The following RNF213 variants were observed in gnomAD, a reference collection of about 807,000 sequenced individuals.
The protein encoded by RNF213 is E3 ubiquitin-protein ligase RNF213.
Under a neutral mutation model 514.4 loss-of-function variants are expected in RNF213, and 341 were observed. The observed-to-expected ratio is 0.66, with a 90% confidence interval of 0.61 to 0.73. The LOEUF is 0.73. Among genes scored for constraint, RNF213 ranks in the 30% least tolerant of loss-of-function variants. The probability of loss-of-function intolerance (pLI) is 0.00; values close to 1 mark genes in which losing one functional copy is unlikely to be tolerated. For missense variants in RNF213, 5,767 were observed against 6,615.6 expected, an observed-to-expected ratio of 0.87 and a Z score of 4.45; for synonymous variants, 2,655 against 2,658.2, an observed-to-expected ratio of 1.00 and a Z score of 0.04.
intron 54 of RNF213, among the ~76,000 whole-genome samples, chr17:80,378,582 A>G (rs1237868819): frequency 1.3e-5 from 2 of 152,178 alleles, no homozygotes; most frequent in African/African-American, 4.8e-5. Flanking sequence ...TCGGCCTCCC[A>G]AAGTGTTGGG....
rs1035955593 is a variant in RNF213 at position 80,353,732 on chromosome 17, C to T, written c.10578+66C>T. 1.3e-5 allele frequency: 21 copies of T among 1,605,336 alleles called. No homozygotes were observed. Among genetic ancestry groups the T allele is most frequent in the East Asian group, 2.2e-5 (1 of 44,846 alleles). On this transcript the variant is annotated intron_variant, in intron 34 of 67. Transcript: ENST00000582970. This position sits in a 1 kb window ranked among gnomAD's most constrained non-coding sequence, Gnocchi z 5.0. ...GATGCTTCTGAGCTGCATCTTTAAA[C>T]GCTTTTGCATTGGGAGCTAGAGGAG...
intron 15 of RNF213, 133 bp downstream of exon 15, chr17:80,313,300 C>A: frequency 8.3e-7 from 1 of 1,206,744 alleles, no homozygotes; most frequent in Non-Finnish European, 1.2e-6. Flanking sequence ...TCTTCATCTA[C>A]AAAATGGAGT....
chr17:80,368,110 A>G lies in RNF213; in HGVS notation c.12122A>G (p.Asp4041Gly). 6.2e-7 allele frequency: 1 copy of G among 1,614,250 alleles called. No homozygotes were observed. Among genetic ancestry groups the G allele is most frequent in the Non-Finnish European group, 8.5e-7 (1 of 1,180,038 alleles). The change falls in exon 44 of 68, where the codon GAC becomes GGC. Residue 4041 changes from aspartate (D) to glycine (G), a missense_variant. Asp to Gly is a moderately conservative substitution (Grantham distance 94). Around this residue, in one of 13 missense-constraint regions of RNF213, gnomAD observed 93 missense variants for 95.6 expected, o/e 0.97. Transcript: ENST00000582970. ...ICPYCLTALP[D>G]EFSPAVSQAH... Reference sequence around the variant, plus strand: ...CCCTACTGTTTAACTGCCTTGCCAGACGAATTCTCTCCAGCTGTTTCCCAA... The same window carrying G: ...CCCTACTGTTTAACTGCCTTGCCAGGCGAATTCTCTCCAGCTGTTTCCCAA...
In RNF213 at chr17:80,367,697, C is replaced by T. The variant is rs368339925; in HGVS notation, c.11872-51C>T. 486 of 1,496,518 alleles carry T rather than the reference C, an allele frequency of 3.2e-4. 1 individual carries two copies. The highest frequency in any genetic ancestry group is 2.8e-3 in the Middle Eastern group (16 of 5,760). 92.7% of individuals were successfully genotyped at this position (1,496,518 alleles called of 1,614,324 possible). On this transcript the variant is annotated intron_variant, in intron 42 of 67. Transcript: ENST00000582970. Reference sequence around the variant, plus strand: ...TGCTCCCTCTGTCGCCCGGCCTGGCCGCCCTCAGCCCTCCCCCCTGCTAAT... The same window carrying T: ...TGCTCCCTCTGTCGCCCGGCCTGGCTGCCCTCAGCCCTCCCCCCTGCTAAT...
intron 44 of RNF213, among the ~76,000 whole-genome samples, chr17:80,369,126 T>A (rs1297821529): frequency 6.6e-6 from 1 of 152,098 alleles, no homozygotes; most frequent in Non-Finnish European, 1.5e-5. Flanking sequence ...CAGCCAGGCA[T>A]GGTGGCTCAC....
At chr17:80,334,783 C>T (rs576598523) in intron 22 of RNF213, among the ~76,000 whole-genome samples, 7 of 152,046 alleles carry the variant, frequency 4.6e-5, no homozygotes, top group South Asian at 2.1e-4. Context: ...ACCGCCACCA[C>T]GCCCGGCTAA....
At position 80,382,950 on chromosome 17, in the gene RNF213, T is replaced by C. The variant is rs183020319; in HGVS notation, c.13979-29T>C. On this transcript the variant is annotated intron_variant, in intron 57 of 67. Coordinates refer to ENST00000582970, the MANE Select transcript of RNF213 (RefSeq NM_001256071.3). Reference sequence around the variant, plus strand: ...ACTGCTGTGTTCTTTGTGCCTTGGGTAACCTACACATTTGGAGTTTTTTTG... The same window carrying C: ...ACTGCTGTGTTCTTTGTGCCTTGGGCAACCTACACATTTGGAGTTTTTTTG... The C allele has an allele frequency of 1.4e-4, 201 of 1,427,440 alleles. No homozygotes were observed. In the African/African-American group the frequency reaches 2.5e-3, roughly 18 times the overall value. The allele number at this position is 1,427,440 out of a possible 1,614,324, so 88.4% of individuals were successfully genotyped here.
In RNF213 at chr17:80,274,972, G is replaced by GTA. The variant is rs1402416801; in HGVS notation, c.261+1569_261+1570insAT. Among the ~76,000 whole-genome samples the GTA allele has an allele frequency of 1.5e-4, 15 of 98,258 alleles. 3 individuals carry two copies. The highest frequency in any genetic ancestry group is 6.2e-4 in the African/African-American group (15 of 24,330). The allele number at this position is 98,258 out of a possible 152,430, so 64.5% of individuals were successfully genotyped here. On this transcript the variant is annotated intron_variant, in intron 3 of 67. Transcript: ENST00000582970. ...GAGTGGGGGGTGTGTGTGTTGGGGT[G>GTA]TGTGTGTTGGATGTGTGTGTATGTG...
At chr17:80,297,133 T>C (rs2044981641) in intron 10 of RNF213, among the ~76,000 whole-genome samples, 1 of 151,994 alleles carries the variant, frequency 6.6e-6, no homozygotes, top group South Asian at 2.1e-4. Flanking sequence ...ATGTATTGTT[T>C]ATAGGCTCAA....
chr17:80,271,075 T>A (rs535837421), intron 2 of RNF213, among the ~76,000 whole-genome samples: 15 of 152,212 alleles, frequency 9.9e-5, no homozygotes, highest in Admixed American at 4.6e-4. Flanking sequence ...CTGATTGGAT[T>A]AGGCTAGTCA....
chr17:80,363,244 C>G lies in RNF213; in HGVS notation c.11498C>G (p.Thr3833Ser), dbSNP rs772675125. 1.1e-5 allele frequency: 18 copies of G among 1,614,164 alleles called. No homozygotes were observed. The highest frequency in any genetic ancestry group is 1.3e-5 in the Non-Finnish European group (15 of 1,180,034). ...SRLQNFSRIL[T>S]IYPQVLHSLM... ...CTGCAGAACTTTTCCAGAATCCTGA[C>G]CATCTACCCTCAGGTTCTCCACAGC... The change falls in exon 40 of 68, where the codon ACC becomes AGC. Residue 3833 changes from threonine to serine, a missense_variant. Physicochemically the swap from Thr to Ser is moderately conservative, Grantham distance 58 (BLOSUM62 1). Coordinates refer to ENST00000582970, the MANE Select transcript of RNF213 (RefSeq NM_001256071.3).
Position 80,285,844 on chromosome 17 carries a change from G to A in RNF213, c.262-1971G>A, listed in dbSNP as rs939299402. 3.3e-5 allele frequency among the ~76,000 whole-genome samples: 5 copies of A among 150,248 alleles called. No individual in the cohort carries two copies. The East Asian group carries it at 5.8e-4, about 17-fold the overall frequency. On this transcript the variant is annotated intron_variant, in intron 3 of 67. Transcript: ENST00000582970. ...TGCCACCACGCCCAGCTAATTTTTT[G>A]TGTTTTTAGTAGAGATGGGGAGGAT... is the stretch of plus-strand genomic sequence containing the variant.
In RNF213 at chr17:80,342,909, G is replaced by A. The variant is rs942796418; in HGVS notation, c.5990-223G>A. ...CAACCTCCGCCTCCCGGGTTCAAGCGATTCTCCTGCCTCAGCCTCCTGAGT... is the reference window on the plus strand; with the variant it reads ...CAACCTCCGCCTCCCGGGTTCAAGCAATTCTCCTGCCTCAGCCTCCTGAGT... On this transcript the variant is annotated intron_variant, in intron 26 of 67. Transcript: ENST00000582970. Among the ~76,000 whole-genome samples the A allele has an allele frequency of 5.3e-5, 8 of 151,702 alleles. No individual in the cohort carries two copies. The South Asian group carries it at 6.2e-4, about 12-fold the overall frequency.
chr17:80,344,617 C>T, intron 28 of RNF213, 61 bp from the exon 29 acceptor site: 1 of 1,591,136 alleles, frequency 6.3e-7, no homozygotes, highest in Non-Finnish European at 8.6e-7. Flanking sequence ...AGGGTTAAGA[C>T]ACAAAAGCAT....
At chr17:80,278,701 C>G in intron 3 of RNF213, 2 of 1,525,088 alleles carry the variant, frequency 1.3e-6, no homozygotes, top group African/African-American at 1.4e-5. Context: ...CTTTGCGAGT[C>G]TACTGGAGCT....
At position 80,317,580 on chromosome 17, in the gene RNF213, C is replaced by T. The variant is rs566591778; in HGVS notation, c.2901+303C>T. ...GGGATGCTGTGTTTACTTGGCCCGCCGTGCTCAACCCCTTGTGGGAGGGAG... is the reference window on the plus strand; with the variant it reads ...GGGATGCTGTGTTTACTTGGCCCGCTGTGCTCAACCCCTTGTGGGAGGGAG... On this transcript the variant is annotated intron_variant, in intron 16 of 67. Coordinates refer to ENST00000582970, the MANE Select transcript of RNF213 (RefSeq NM_001256071.3). The surrounding 1 kb of genome is among the most constrained non-coding windows in gnomAD (Gnocchi z 4.1). Among the ~76,000 whole-genome samples the T allele has an allele frequency of 1.3e-3, 197 of 152,306 alleles. No homozygotes were observed. Among genetic ancestry groups the T allele is most frequent in the African/African-American group, 4.0e-3 (166 of 41,572 alleles).
At position 80,346,916 on chromosome 17, in the gene RNF213, C is replaced by T; in HGVS notation, c.8581C>T (p.His2861Tyr). ...DSPKMPLKTL[H>Y]PLLEDGCIED... is the part of the protein sequence containing the mutation. ...ACCCAAAATGCCCCTGAAGACTCTGCACCCGCTGCTGGAAGACGGATGCAT... is the reference window on the plus strand; with the variant it reads ...ACCCAAAATGCCCCTGAAGACTCTGTACCCGCTGCTGGAAGACGGATGCAT... The change falls in exon 29 of 68, where the codon CAC becomes TAC. Residue 2861 changes from histidine (H) to tyrosine (Y), a missense_variant. Physicochemically the swap from His to Tyr is moderately conservative, Grantham distance 83. Coordinates refer to ENST00000582970, the MANE Select transcript of RNF213 (RefSeq NM_001256071.3). This position sits in a 1 kb window ranked among gnomAD's most constrained non-coding sequence, Gnocchi z 8.1. 1 of 1,614,126 alleles carries T rather than the reference C, an allele frequency of 6.2e-7. No individual in the cohort carries two copies. Among genetic ancestry groups the T allele is most frequent in the Non-Finnish European group, 8.5e-7 (1 of 1,180,022 alleles).
chr17:80,363,213 A>C lies in RNF213; in HGVS notation c.11467A>C (p.Ser3823Arg). The stretch of plus-strand genomic sequence containing the variant: ...GCACCTTGCCTACCAGCGTTTCAGA[A>C]GCCGTCTGCAGAACTTTTCCAGAAT... ...WVHLAYQRFR[S>R]RLQNFSRILT... The change falls in exon 40 of 68, where the codon AGC becomes CGC. Residue 3823 changes from serine (S) to arginine (R), a missense_variant. By Grantham distance (110) the Ser-to-Arg change is moderately radical. Around this residue, in one of 13 missense-constraint regions of RNF213, gnomAD observed 355 missense variants for 358.0 expected, o/e 0.99. Coordinates refer to ENST00000582970, the MANE Select transcript of RNF213 (RefSeq NM_001256071.3). 6.2e-7 allele frequency: 1 copy of C among 1,614,202 alleles called. No individual in the cohort carries two copies. The highest frequency in any genetic ancestry group is 8.5e-7 in the Non-Finnish European group (1 of 1,180,028).
At position 80,383,188 on chromosome 17, in the gene RNF213, C is replaced by T; in HGVS notation, c.14070+118C>T. 4 of 742,810 alleles carry T rather than the reference C, an allele frequency of 5.4e-6. No individual in the cohort carries two copies. In the South Asian group the frequency reaches 5.9e-5, roughly 11 times the overall value. The allele number at this position is 742,810 out of a possible 1,614,324, so 46.0% of individuals were successfully genotyped here. A position where few individuals can be genotyped will look rare whatever the true frequency, so the allele number is the denominator to read the frequency against. On this transcript the variant is annotated intron_variant, in intron 58 of 67. Coordinates refer to ENST00000582970, the MANE Select transcript of RNF213 (RefSeq NM_001256071.3). ...TAGCGGTGCCAGCAAGAGCCTTTGACTGAGCCCCAGATTCCAATGCTCCCC... is the reference window on the plus strand; with the variant it reads ...TAGCGGTGCCAGCAAGAGCCTTTGATTGAGCCCCAGATTCCAATGCTCCCC...
Sources: allele counts gnomAD v4.1 joint callset (sites outside exome capture counted in the v4.1 genomes callset), GRCh38; gene constraint gnomAD v4.1.1; regional missense constraint gnomAD v4.1.1; non-coding constraint Gnocchi (gnomAD v3.1); transcripts MANE v1.5; gene names NCBI Gene and HGNC (gene_info 2026-07-23, HGNC 2026-07-21).